RIMS2: variants seen among roughly 807,000 people sequenced by gnomAD.
RIMS2 encodes regulating synaptic membrane exocytosis 2.
In RIMS2, 59 loss-of-function variants were observed where a neutral mutation model predicts 174.4. That is an observed-to-expected ratio of 0.34 (90% CI 0.27 to 0.42). The LOEUF is 0.42. RIMS2 is among the 10% of genes least tolerant of loss of function. RIMS2 has a pLI of 1.00. For synonymous variants in RIMS2, 606 were observed against 572.5 expected, an observed-to-expected ratio of 1.06 and a Z score of -0.84; for missense variants, 1,620 against 1,666.3, an observed-to-expected ratio of 0.97 and a Z score of 0.48.
intron 13 of RIMS2, among the ~76,000 whole-genome samples, chr8:103,939,516 G>C (rs1263014142): frequency 6.6e-6 from 1 of 152,220 alleles, no homozygotes; most frequent in Non-Finnish European, 1.5e-5. Context: ...TGATGGGAGG[G>C]GCTGCCGTGA....
intron 1 of RIMS2, among the ~76,000 whole-genome samples, chr8:103,570,863 T>G (rs1392865731): frequency 2.0e-5 from 3 of 152,142 alleles, no homozygotes; most frequent in Non-Finnish European, 2.9e-5. Flanking sequence ...AGTTTGCAAT[T>G]AAAAGTAATT....
intron 16 of RIMS2, among the ~76,000 whole-genome samples, chr8:103,988,873 A>G (rs942154407): frequency 6.6e-6 from 1 of 152,190 alleles, no homozygotes; most frequent in Admixed American, 6.5e-5. Context: ...CTCCGAACTC[A>G]TGTCCAACCA....
intron 3 of RIMS2, among the ~76,000 whole-genome samples, chr8:103,864,003 G>GGTTCAGGCCATTCTCCTGC (rs2099073013): frequency 6.6e-6 from 1 of 151,742 alleles, no homozygotes; most frequent in African/African-American, 2.4e-5. Context: ...CCGCCTCCTG[G>GGTTCAGGCCATTCTCCTGC]GTTCAGGCCA....
intron 3 of RIMS2, among the ~76,000 whole-genome samples, chr8:103,812,168 C>A (rs1246452401): frequency 6.6e-6 from 1 of 151,950 alleles, no homozygotes; most frequent in African/African-American, 2.4e-5. Flanking sequence ...GAACTGTTTT[C>A]TGATTTTTAT....
At chr8:103,596,332 A>T (rs182609653) in intron 1 of RIMS2, among the ~76,000 whole-genome samples, 21 of 152,162 alleles carry the variant, frequency 1.4e-4, no homozygotes, top group African/African-American at 4.6e-4. Flanking sequence ...TTAAGTGATC[A>T]CCAATTAAGA....
intron 19 of RIMS2, among the ~76,000 whole-genome samples, chr8:104,057,116 G>A (rs1022836021): frequency 5.4e-5 from 8 of 149,070 alleles, no homozygotes; most frequent in African/African-American, 2.0e-4. Flanking sequence ...ACTTAGGCTG[G>A]AGTGCAGTGG....
chr8:104,116,192 A>T (rs941974287), intron 19 of RIMS2, among the ~76,000 whole-genome samples: 1 of 152,176 alleles, frequency 6.6e-6, no homozygotes, highest in African/African-American at 2.4e-5. Flanking sequence ...CACTGTACTC[A>T]TGTGTGTACA....
intron 1 of RIMS2, among the ~76,000 whole-genome samples, chr8:103,591,698 T>G (rs568569712): frequency 2.0e-5 from 3 of 151,292 alleles, no homozygotes; most frequent in Admixed American, 2.0e-4. Context: ...TGCTTCAGTG[T>G]TTTTGTAGAA....
chr8:103,539,556 C>T (rs967708112), intron 1 of RIMS2, among the ~76,000 whole-genome samples: 1 of 152,152 alleles, frequency 6.6e-6, no homozygotes, highest in Non-Finnish European at 1.5e-5. Context: ...AAGGAAGAGA[C>T]TATCAGTATG....
exon 22 of RIMS2, chr8:104,249,551 T>G: frequency 6.2e-7 from 1 of 1,611,552 alleles, no homozygotes. Flanking sequence ...TCCGGGCCCG[T>G]GGCCTTGTTG....
chr8:103,839,792 G>T (rs1427941362), intron 3 of RIMS2, among the ~76,000 whole-genome samples: 1 of 152,130 alleles, frequency 6.6e-6, no homozygotes, highest in Non-Finnish European at 1.5e-5. Context: ...TAGCTGCCAA[G>T]ACCATACTTT....
chr8:103,732,320 T>C (rs1386903836), intron 2 of RIMS2, among the ~76,000 whole-genome samples: 2 of 152,176 alleles, frequency 1.3e-5, no homozygotes, highest in African/African-American at 4.8e-5. Flanking sequence ...TGTGCTGAGC[T>C]GCCTGGGGTT....
intron 3 of RIMS2, among the ~76,000 whole-genome samples, chr8:103,829,555 AG>A (rs1564803495): frequency 6.6e-6 from 1 of 152,210 alleles, no homozygotes. Flanking sequence ...TCTCCTTTGC[AG>A]CAACATAGAT....
intron 19 of RIMS2, among the ~76,000 whole-genome samples, chr8:104,232,166 A>G (rs528121156): frequency 6.2e-4 from 94 of 152,336 alleles, no homozygotes; most frequent in Non-Finnish European, 1.1e-3. Flanking sequence ...TACTTAACAA[A>G]CATGTAGTGA....
intron 1 of RIMS2, among the ~76,000 whole-genome samples, chr8:103,665,509 A>G (rs1270765513): frequency 6.6e-6 from 1 of 152,230 alleles, no homozygotes; most frequent in Non-Finnish European, 1.5e-5. Flanking sequence ...GAGATATGCT[A>G]TGAGTCTAAA....
intron 14 of RIMS2, among the ~76,000 whole-genome samples, chr8:103,957,025 A>G (rs2087542675): frequency 6.6e-6 from 1 of 152,224 alleles, no homozygotes. Context: ...GTAATTAGGG[A>G]AATGTAAATC....
At chr8:103,546,161 A>T (rs887115086) in intron 1 of RIMS2, among the ~76,000 whole-genome samples, 1 of 152,210 alleles carries the variant, frequency 6.6e-6, no homozygotes, top group Middle Eastern at 3.2e-3. Context: ...TGATACCCAT[A>T]GGCTCAAAGT....
At chr8:103,998,807 C>T (rs1048121857) in intron 17 of RIMS2, among the ~76,000 whole-genome samples, 2 of 151,756 alleles carry the variant, frequency 1.3e-5, no homozygotes, top group African/African-American at 4.8e-5. Context: ...CATTTCTACC[C>T]TACCACCATT....
intron 19 of RIMS2, among the ~76,000 whole-genome samples, chr8:104,144,105 G>T (rs1030027676): frequency 2.0e-5 from 3 of 151,926 alleles, no homozygotes. Context: ...TTGCTTTGTA[G>T]TTACTTGTTT....
Sources: gnomAD v4.1 joint callset for allele counts (sites outside exome capture counted in the v4.1 genomes callset) on GRCh38, gnomAD v4.1.1 for gene constraint, MANE v1.5 for transcripts, NCBI Gene and HGNC (gene_info 2026-07-23, HGNC 2026-07-21) for gene names.